STRN: variants seen among roughly 807,000 people sequenced by gnomAD.
The protein encoded by STRN is striatin, also known as protein phosphatase 2 regulatory subunit B'''alpha.
In STRN, 53 loss-of-function variants were observed where a neutral mutation model predicts 96.3. The observed-to-expected ratio is 0.55, with a 90% CI of 0.44 to 0.69. STRN has a LOEUF of 0.69. STRN is among the 30% of genes least tolerant of loss of function. STRN has a pLI of 0.00. For missense variants in STRN, 987 were observed against 963.9 expected (o/e 1.02, Z -0.32); for synonymous variants, 428 against 355.9 (o/e 1.20, Z -2.28).
intron 1 of STRN, among the ~76,000 whole-genome samples, chr2:36,945,608 T>G (rs1324639948): frequency 6.6e-6 from 1 of 151,830 alleles, no homozygotes; most frequent in Non-Finnish European, 1.5e-5. Flanking sequence ...AGAGTTGCAG[T>G]GAGCCAAGAT....
chr2:36,936,541 G>T (rs1040403978), intron 1 of STRN, among the ~76,000 whole-genome samples: 35 of 152,114 alleles, frequency 2.3e-4, no homozygotes, highest in African/African-American at 7.5e-4. Flanking sequence ...TACATATATA[G>T]ATCAAAATTT....
At chr2:36,959,103 T>C (rs906738166) in intron 1 of STRN, among the ~76,000 whole-genome samples, 1 of 152,104 alleles carries the variant, frequency 6.6e-6, no homozygotes, top group Non-Finnish European at 1.5e-5. Flanking sequence ...GCGACACAGC[T>C]AGACTCCATC....
In STRN at chr2:36,841,087, TTC is replaced by T. The variant is rs1333241681; in HGVS notation, c.*8367_*8368del. The T allele has an allele frequency of 2.6e-5, 4 of 152,250 alleles. No homozygotes were observed. Among genetic ancestry groups the T allele is most frequent in the African/African-American group, 4.8e-5 (2 of 41,554 alleles). The allele number at this position is 152,250 out of a possible 1,614,324, so 9.4% of individuals were successfully genotyped here. On this transcript the variant is annotated 3_prime_UTR_variant, in exon 18 of 18. Transcript: ENST00000263918. ...CAGAAAGCAATGATGTTTCTAAAGA[TTC>T]TCTTATTTTTTAATTGTGATTAGTA...
chr2:36,945,652 A>C (rs1430193529), intron 1 of STRN, among the ~76,000 whole-genome samples: 1 of 152,156 alleles, frequency 6.6e-6, no homozygotes, highest in East Asian at 1.9e-4. Flanking sequence ...GCGACAGTGC[A>C]AGACTGTCTC....
At chr2:36,895,594 C>G (rs1216258451) in intron 6 of STRN, among the ~76,000 whole-genome samples, 3 of 151,572 alleles carry the variant, frequency 2.0e-5, no homozygotes, top group Non-Finnish European at 1.5e-5. Flanking sequence ...TCTAATTTTC[C>G]CTAGGTAGCC....
At chr2:36,860,850 C>A (rs1042794058) in intron 13 of STRN, among the ~76,000 whole-genome samples, 2 of 152,040 alleles carry the variant, frequency 1.3e-5, no homozygotes, top group Non-Finnish European at 2.9e-5. Context: ...TCTACAGATG[C>A]CTAAAATAAG....
chr2:36,887,201 G>A (rs1669258464), intron 7 of STRN, among the ~76,000 whole-genome samples: 1 of 151,118 alleles, frequency 6.6e-6, no homozygotes, highest in Admixed American at 6.6e-5. Context: ...GGCTGAGGCG[G>A]GTGGATCACA....
chr2:36,857,455 A>G (rs1427323210), intron 14 of STRN, among the ~76,000 whole-genome samples: 2 of 151,918 alleles, frequency 1.3e-5, no homozygotes, highest in African/African-American at 2.4e-5. Flanking sequence ...CAGGCGAATC[A>G]CTTGAGGTCA....
chr2:36,913,989 AT>A (rs887137743), intron 3 of STRN, among the ~76,000 whole-genome samples: 96 of 147,934 alleles, frequency 6.5e-4, no homozygotes, highest in South Asian at 6.4e-4. Context: ...AAACTTGATG[AT>A]TTTTTTTTTT....
intron 1 of STRN, among the ~76,000 whole-genome samples, chr2:36,963,894 C>G (rs189351821): frequency 6.7e-6 from 1 of 148,854 alleles, no homozygotes; most frequent in Non-Finnish European, 1.5e-5. Flanking sequence ...GAGGCTGAGG[C>G]AGAAGGATTG....
At chr2:36,901,509 G>A (rs11889368) in intron 5 of STRN, among the ~76,000 whole-genome samples, 23 of 147,458 alleles carry the variant, frequency 1.6e-4, no homozygotes, top group African/African-American at 4.3e-4. Flanking sequence ...CTGAGATGGC[G>A]CCACTGCACT....
chr2:36,966,104 G>A (rs953043650), intron 1 of STRN, 126 bp downstream of exon 1: 5 of 1,153,234 alleles, frequency 4.3e-6, no homozygotes, highest in South Asian at 1.9e-5. Context: ...GGGGCTCCGG[G>A]TGGGATGGGC....
In STRN at chr2:36,893,913, C is replaced by T. The variant is rs767149388; in HGVS notation, c.916G>A (p.Asp306Asn). The T allele has an allele frequency of 7.4e-6, 12 of 1,611,762 alleles. No homozygotes were observed. Among genetic ancestry groups the T allele is most frequent in the East Asian group, 2.2e-5 (1 of 44,704 alleles). Reference sequence around the variant, plus strand: ...GCTTCCTTACCCCAGTCTGTTCCATCGCCTGCACTTCTAGATTCATTGTCT... The same window carrying T: ...GCTTCCTTACCCCAGTCTGTTCCATTGCCTGCACTTCTAGATTCATTGTCT... ...EGDNESRSAG[D>N]GTDWEKEDQC... The change falls in exon 7 of 18, where the codon GAT (aspartate) becomes AAT (asparagine). Residue 306 changes from aspartate (D) to asparagine (N), a missense_variant. Coordinates refer to ENST00000263918, the MANE Select transcript of STRN (RefSeq NM_003162.4).
rs371408968 is a variant in STRN at position 36,899,673 on chromosome 2, G to T, written c.660-15C>A. On this transcript the variant is annotated splice_polypyrimidine_tract_variant and intron_variant, in intron 5 of 17. Coordinates refer to ENST00000263918, the MANE Select transcript of STRN (RefSeq NM_003162.4). ...ACTCAGATTTTCTGGTGTAAAACAT[G>T]TATATCCTGCTTAGTTAATCTTTTT... 7.6e-6 allele frequency: 12 copies of T among 1,584,676 alleles called. No individual in the cohort carries two copies. Among genetic ancestry groups the T allele is most frequent in the Middle Eastern group, 1.7e-4 (1 of 5,988 alleles).
intron 12 of STRN, among the ~76,000 whole-genome samples, chr2:36,865,296 G>A (rs757728217): frequency 2.0e-5 from 3 of 152,146 alleles, no homozygotes; most frequent in Non-Finnish European, 2.9e-5. Flanking sequence ...GCTGGTTTTT[G>A]TATTTCTGTG....
rs1465462394 is a variant in STRN, at chr2:36,847,811, T to C, written c.*1645A>G. 2 of 152,154 alleles carry C rather than the reference T, an allele frequency of 1.3e-5. No individual in the cohort carries two copies. The highest frequency in any genetic ancestry group is 2.1e-4 in the South Asian group (1 of 4,832). The allele number at this position is 152,154 out of a possible 1,614,324, so 9.4% of individuals were successfully genotyped here. ...CTTTTTCAAGGAGTAGATGTACGTA[T>C]CATGAGAAGCATCATTGTTATGACG... is the stretch of plus-strand genomic sequence containing the variant. On this transcript the variant is annotated 3_prime_UTR_variant, in exon 18 of 18. Transcript: ENST00000263918.
intron 11 of STRN, among the ~76,000 whole-genome samples, chr2:36,868,564 C>T (rs1160592579): frequency 6.6e-6 from 1 of 152,162 alleles, no homozygotes; most frequent in Non-Finnish European, 1.5e-5. Context: ...TACGCATAGA[C>T]ATGTTATCTC....
rs1231877064 is a variant in STRN, at chr2:36,886,780, C to A, written c.978G>T (p.Gln326His). Residue 326 changes from glutamine (Q) to histidine (H), a missense_variant, in exon 8 of 18, where the codon CAG (glutamine) becomes CAT (histidine). Physicochemically the swap from Gln to His is conservative, Grantham distance 24. Transcript: ENST00000263918. ...CLMPEAWNVD[Q>H]GVITKLKEQY... Reference sequence around the variant, plus strand: ...GTTCCTTGAGTTTGGTAATTACTCCCTGGTCCACATTCCAGGCTTCAGGCA... The same window carrying A: ...GTTCCTTGAGTTTGGTAATTACTCCATGGTCCACATTCCAGGCTTCAGGCA... The A allele has an allele frequency of 6.2e-7, 1 of 1,613,528 alleles. No homozygotes were observed. Among genetic ancestry groups the A allele is most frequent in the Non-Finnish European group, 8.5e-7 (1 of 1,179,738 alleles).
chr2:36,877,232 A>G (rs923600640), intron 10 of STRN, among the ~76,000 whole-genome samples: 1 of 152,074 alleles, frequency 6.6e-6, no homozygotes, highest in Non-Finnish European at 1.5e-5. Context: ...CTAGTGTACT[A>G]AAGAAGCAAG....
Sources: gnomAD v4.1 joint callset for allele counts (sites outside exome capture counted in the v4.1 genomes callset) on GRCh38, gnomAD v4.1.1 for gene constraint, MANE v1.5 for transcripts, NCBI Gene and HGNC (gene_info 2026-07-23, HGNC 2026-07-21) for gene names.